PDE8B: variants seen among roughly 807,000 people sequenced by gnomAD.
PDE8B encodes the protein phosphodiesterase 8B, also known as high affinity cAMP-specific and IBMX-insensitive 3',5'-cyclic phosphodiesterase 8B.
PDE8B carries 26 observed loss-of-function variants against 101.3 expected under a neutral mutation model. The ratio of observed to expected loss-of-function variants is 0.26; its 90% CI spans 0.19 to 0.36. The LOEUF is 0.36. PDE8B is among the 10% of genes least tolerant of loss of function. The pLI is 1.00. For missense variants in PDE8B, 810 were observed against 1,163.1 expected (o/e 0.70, Z 4.42); for synonymous variants, 424 against 429.3 (o/e 0.99, Z 0.15).
intron 1 of PDE8B, among the ~76,000 whole-genome samples, chr5:77,225,897 C>T (rs1275539549): frequency 2.0e-5 from 3 of 150,864 alleles, no homozygotes; most frequent in Non-Finnish European, 4.4e-5. Flanking sequence ...GCACACATCT[C>T]AGAATACCAG....
chr5:77,426,065 C>A, intron 21 of PDE8B, 169 bp downstream of exon 21: 1 of 683,442 alleles, frequency 1.5e-6, no homozygotes, highest in Non-Finnish European at 2.6e-6. Context: ...TCCCCAGCAG[C>A]TGGCACAGAA....
At chr5:77,134,957 A>G in the PDE8B span, among the ~76,000 whole-genome samples, 2 of 152,194 alleles carry the variant, frequency 1.3e-5, no homozygotes, top group Non-Finnish European at 2.9e-5. Flanking sequence ...CACTGCTTAG[A>G]TGTCCCTTTA....
intron 1 of PDE8B, among the ~76,000 whole-genome samples, chr5:77,294,367 A>C (rs1768051748): frequency 6.6e-6 from 1 of 152,224 alleles, no homozygotes; most frequent in Admixed American, 6.5e-5. Context: ...AGAAGGGGAC[A>C]GTCCCCCAGG....
chr5:77,215,284 C>G (rs1749433302), intron 1 of PDE8B, among the ~76,000 whole-genome samples: 1 of 152,226 alleles, frequency 6.6e-6, no homozygotes, highest in South Asian at 2.1e-4. Context: ...ATATTCTCTT[C>G]TCAGCTCTTG....
At chr5:77,286,539 A>G (rs1193855268) in intron 1 of PDE8B, among the ~76,000 whole-genome samples, 1 of 152,032 alleles carries the variant, frequency 6.6e-6, no homozygotes, top group African/African-American at 2.4e-5. Context: ...CTTTCTCCAA[A>G]TCTGCCTGCT....
chr5:77,351,924 C>T (rs1781201340), intron 9 of PDE8B, among the ~76,000 whole-genome samples: 2 of 152,156 alleles, frequency 1.3e-5, no homozygotes, highest in Admixed American at 6.5e-5. Flanking sequence ...CTTAGGACTA[C>T]CTGAGTTCCT....
intron 10 of PDE8B, among the ~76,000 whole-genome samples, chr5:77,380,713 A>C (rs1787283553): frequency 6.6e-6 from 1 of 152,248 alleles, no homozygotes; most frequent in East Asian, 1.9e-4. Flanking sequence ...CAAGTGAGAC[A>C]TAACCCCTGC....
intron 15 of PDE8B, 34 bp downstream of exon 15, chr5:77,411,755 C>T (rs1449092959): frequency 5.4e-6 from 8 of 1,492,122 alleles, no homozygotes; most frequent in Non-Finnish European, 6.6e-6. Context: ...TTAGTGTAAC[C>T]TGTCTCCAGC....
chr5:77,354,847 T>G (rs1006069159), intron 10 of PDE8B, among the ~76,000 whole-genome samples: 1 of 152,194 alleles, frequency 6.6e-6, no homozygotes, highest in Non-Finnish European at 1.5e-5. Context: ...CTACCAGTCC[T>G]TCATGACCCA....
At chr5:77,327,970 C>T (rs11959854) in intron 3 of PDE8B, among the ~76,000 whole-genome samples, 37,434 of 151,880 alleles carry the variant, frequency 0.25, 5,109 homozygotes, top group African/African-American at 0.37. Flanking sequence ...TGAAGCAATA[C>T]GAGCTGGCTG....
rs867778404 is a variant in PDE8B, at chr5:77,309,250, G to A, written c.340-2744G>A. Among the ~76,000 whole-genome samples the A allele has an allele frequency of 8.4e-5, 12 of 143,036 alleles. No homozygotes were observed. In the South Asian group the frequency reaches 1.6e-3, roughly 19 times the overall value. 93.8% of individuals were successfully genotyped at this position (143,036 alleles called of 152,430 possible). ...GGAGGGGAGGGAGGGGTGGGGAGGGGAAGGAGAGGAAAGAGAGAGAAAGAA... is the reference window on the plus strand; with the variant it reads ...GGAGGGGAGGGAGGGGTGGGGAGGGAAAGGAGAGGAAAGAGAGAGAAAGAA... On this transcript the variant is annotated intron_variant, in intron 1 of 21. Transcript: ENST00000264917.
chr5:77,226,377 C>G (rs1752396399), intron 1 of PDE8B, among the ~76,000 whole-genome samples: 1 of 152,170 alleles, frequency 6.6e-6, no homozygotes, highest in African/African-American at 2.4e-5. Context: ...TAACAGATAT[C>G]CTGGAGATCA....
intron 1 of PDE8B, among the ~76,000 whole-genome samples, chr5:77,265,798 T>C (rs1208219677): frequency 6.6e-6 from 1 of 152,214 alleles, no homozygotes; most frequent in African/African-American, 2.4e-5. Context: ...AAACAGACAT[T>C]TATTTCAATA....
Position 77,426,657 on chromosome 5 carries a change from G to A in PDE8B, c.*103G>A. 2 of 727,532 alleles carry A rather than the reference G, an allele frequency of 2.7e-6. No homozygotes were observed. The highest frequency in any genetic ancestry group is 5.1e-6 in the Non-Finnish European group (2 of 394,972). The allele number at this position is 727,532 out of a possible 1,614,324, so 45.1% of individuals were successfully genotyped here. On this transcript the variant is annotated 3_prime_UTR_variant, in exon 22 of 22. Coordinates refer to ENST00000264917, the MANE Select transcript of PDE8B (RefSeq NM_003719.5). The stretch of plus-strand genomic sequence containing the variant: ...TCTAATGACAATGACAGGTATTGGT[G>A]AAGGAGCTAATGTTTAATATTTGAC...
intron 2 of PDE8B, 49 bp downstream of exon 2, chr5:77,312,102 TTTC>T (rs1391339494): frequency 1.7e-5 from 22 of 1,314,126 alleles, no homozygotes; most frequent in Middle Eastern, 2.1e-4. Flanking sequence ...TTCTTTTTTT[TTTC>T]TTTTTTTTTT....
At chr5:77,101,602 G>C in the PDE8B span, among the ~76,000 whole-genome samples, 1 of 151,816 alleles carries the variant, frequency 6.6e-6, no homozygotes, top group Admixed American at 6.6e-5. Context: ...CTCCAAGCTA[G>C]TATCGTGCAT....
chr5:77,227,776 A>T (rs1439238384), intron 1 of PDE8B, among the ~76,000 whole-genome samples: 2 of 152,208 alleles, frequency 1.3e-5, no homozygotes, highest in Non-Finnish European at 2.9e-5. Context: ...TTCAACAAAC[A>T]TATACTGAGG....
chr5:77,343,873 C>CT (rs34017471), intron 6 of PDE8B, among the ~76,000 whole-genome samples: 1,427 of 126,508 alleles, frequency 0.011, 11 homozygotes, highest in African/African-American at 0.023. Context: ...ATTTTTAAAT[C>CT]TTTTTTTTTT....
At chr5:77,391,433 T>A (rs1789902047) in intron 10 of PDE8B, among the ~76,000 whole-genome samples, 1 of 152,156 alleles carries the variant, frequency 6.6e-6, no homozygotes. Context: ...CCATGCTGGG[T>A]TGCTAGCCAT....
Sources: allele counts gnomAD v4.1 joint callset (sites outside exome capture counted in the v4.1 genomes callset), GRCh38; gene constraint gnomAD v4.1.1; transcripts MANE v1.5; gene names NCBI Gene and HGNC (gene_info 2026-07-23, HGNC 2026-07-21).